Variants in MARCKS observed in about 807,000 individuals in gnomAD.
MARCKS encodes myristoylated alanine rich protein kinase C substrate.
A neutral mutation model predicts 6.3 loss-of-function variants in MARCKS; 4 were observed. The observed-to-expected ratio is 0.63, with a 90% CI of 0.31 to 1.45. The LOEUF is 1.45. Ranked by LOEUF, MARCKS falls within the 40% of genes most tolerant of loss-of-function variation. MARCKS has a pLI of 0.07. For missense variants in MARCKS, 636 were observed against 485.7 expected (o/e 1.31, Z -2.91); for synonymous variants, 289 against 236.5 (o/e 1.22, Z -2.04).
chr6:113,860,183 TGCGGCCGCCGCCGAGGCGGGC>T lies in MARCKS; in HGVS notation c.610_630del (p.Ala204_Ala210del). On this transcript the variant is annotated inframe_deletion, in exon 2 of 2. Coordinates refer to ENST00000612661, the MANE Select transcript of MARCKS (RefSeq NM_002356.7). ...AGGACGAGGCCGCCGGGGGCGCAGC[TGCGGCCGCCGCCGAGGCGGGC>T]GCGGCCTCCGGGGAGCAGGCAGCGG... 9 of 1,214,924 alleles carry T rather than the reference TGCGGCCGCCGCCGAGGCGGGC, an allele frequency of 7.4e-6. No homozygotes were observed. Among genetic ancestry groups the T allele is most frequent in the Non-Finnish European group, 9.3e-6 (9 of 968,518 alleles). 75.3% of individuals were successfully genotyped at this position (1,214,924 alleles called of 1,614,324 possible). A position where few individuals can be genotyped will look rare whatever the true frequency, so the allele number is the denominator to read the frequency against.
chr6:113,859,047 C>T (rs1582439528), intron 1 of MARCKS, among the ~76,000 whole-genome samples: 1 of 152,098 alleles, frequency 6.6e-6, no homozygotes, highest in East Asian at 1.9e-4. Flanking sequence ...GGCGGGGTGG[C>T]CCGGCGACTC....
At chr6:113,859,374 T>G (rs1410110723) in intron 1 of MARCKS, among the ~76,000 whole-genome samples, 1 of 152,214 alleles carries the variant, frequency 6.6e-6, no homozygotes, top group East Asian at 1.9e-4. Context: ...GCTGGCATGG[T>G]TAGCCTTTGC....
In MARCKS at chr6:113,859,791, G is replaced by C. The variant is rs1233857411; in HGVS notation, c.211G>C (p.Glu71Gln). Reference sequence around the variant, plus strand: ...CAGCGCCCCGGCCGCCGACAAGGAGGAGCCCGCGGCCGCCGGGAGCGGGGC... The same window carrying C: ...CAGCGCCCCGGCCGCCGACAAGGAGCAGCCCGCGGCCGCCGGGAGCGGGGC... ...NGSAPAADKE[E>Q]PAAAGSGAAS... Residue 71 changes from glutamate to glutamine, a missense_variant, in exon 2 of 2, where the codon GAG (glutamate) becomes CAG (glutamine). Glu to Gln is a conservative substitution (Grantham distance 29). Coordinates refer to ENST00000612661, the MANE Select transcript of MARCKS (RefSeq NM_002356.7). 3 of 1,398,970 alleles carry C rather than the reference G, an allele frequency of 2.1e-6. No individual in the cohort carries two copies. The highest frequency in any genetic ancestry group is 2.8e-6 in the Non-Finnish European group (3 of 1,079,860). The allele number at this position is 1,398,970 out of a possible 1,614,324, so 86.7% of individuals were successfully genotyped here.
chr6:113,860,465 A>T lies in MARCKS; in HGVS notation c.885A>T (p.Ala295=), dbSNP rs1033171471. ...CCGGCGCGCCCCCGGAGCAGGAGGCAGCCCCCGCGGAGGAGCCCGCGGCCG... is the reference window on the plus strand; with the variant it reads ...CCGGCGCGCCCCCGGAGCAGGAGGCTGCCCCCGCGGAGGAGCCCGCGGCCG... ...AGPGAPPEQE[A]APAEEPAAAA... The change falls in exon 2 of 2, where the codon GCA becomes GCT. Residue 295 remains alanine (A), a synonymous_variant. Coordinates refer to ENST00000612661, the MANE Select transcript of MARCKS (RefSeq NM_002356.7). The T allele has an allele frequency of 1.1e-5, 15 of 1,390,926 alleles. No homozygotes were observed. The highest frequency in any genetic ancestry group is 1.4e-5 in the Non-Finnish European group (15 of 1,061,344). 86.2% of individuals were successfully genotyped at this position (1,390,926 alleles called of 1,614,324 possible).
chr6:113,861,615 T>G lies in MARCKS; in HGVS notation c.*1036T>G, dbSNP rs1186642673. ...CTTTGAGAATAAAGGAAAAAAAATC[T>G]TCAGATGCAATGGTTTTGTGTAGCA... is the stretch of plus-strand genomic sequence containing the variant. On this transcript the variant is annotated 3_prime_UTR_variant, in exon 2 of 2. Coordinates refer to ENST00000612661, the MANE Select transcript of MARCKS (RefSeq NM_002356.7). The G allele has an allele frequency of 6.6e-6, 1 of 152,404 alleles. No homozygotes were observed. Among genetic ancestry groups the G allele is most frequent in the East Asian group, 1.9e-4 (1 of 5,188 alleles). 9.4% of individuals were successfully genotyped at this position (152,404 alleles called of 1,614,324 possible).
chr6:113,858,348 C>T (rs1250372980), intron 1 of MARCKS, among the ~76,000 whole-genome samples: 2 of 152,050 alleles, frequency 1.3e-5, no homozygotes, highest in Non-Finnish European at 2.9e-5. Flanking sequence ...TTATTGTATG[C>T]CGCGGCGGCG....
chr6:113,859,689 G>A lies in MARCKS; in HGVS notation c.109G>A (p.Gly37Ser). 1.3e-6 allele frequency: 2 copies of A among 1,503,996 alleles called. No individual in the cohort carries two copies. The highest frequency in any genetic ancestry group is 1.8e-6 in the Non-Finnish European group (2 of 1,127,032). 93.2% of individuals were successfully genotyped at this position (1,503,996 alleles called of 1,614,324 possible). The change falls in exon 2 of 2, where the codon GGC becomes AGC. Residue 37 changes from glycine (G) to serine (S), a missense_variant. Gly to Ser is a moderately conservative substitution (Grantham distance 56). Coordinates refer to ENST00000612661, the MANE Select transcript of MARCKS (RefSeq NM_002356.7). ...SPSKANGQEN[G>S]HVKVNGDASP... ...CGCTTTCTCTGCCCCTTAGGAGAAT[G>A]GCCACGTGAAGGTAAACGGCGACGC...
At position 113,863,211 on chromosome 6, in the gene MARCKS, G is replaced by A. The variant is rs888673078; in HGVS notation, c.*2632G>A. 2.6e-5 allele frequency: 4 copies of A among 152,138 alleles called. No homozygotes were observed. Among genetic ancestry groups the A allele is most frequent in the Non-Finnish European group, 5.9e-5 (4 of 67,998 alleles). 9.4% of individuals were successfully genotyped at this position (152,138 alleles called of 1,614,324 possible). A position where few individuals can be genotyped will look rare whatever the true frequency, so the allele number is the denominator to read the frequency against. Reference sequence around the variant, plus strand: ...TCCAAGTGATTAAATGAAATTTGACGTATCTTTTCATCCAAAGTTTTGTAC... The same window carrying A: ...TCCAAGTGATTAAATGAAATTTGACATATCTTTTCATCCAAAGTTTTGTAC... On this transcript the variant is annotated 3_prime_UTR_variant, in exon 2 of 2. Coordinates refer to ENST00000612661, the MANE Select transcript of MARCKS (RefSeq NM_002356.7).
rs1774803555 is a variant in MARCKS at position 113,857,515 on chromosome 6, TCCTGTG to T, written c.-229_-224del. On this transcript the variant is annotated 5_prime_UTR_variant, in exon 1 of 2. Coordinates refer to ENST00000612661, the MANE Select transcript of MARCKS (RefSeq NM_002356.7). Reference sequence around the variant, plus strand: ...GACTTTTCCACCCTTTTTCCCTCCCTCCTGTGCTGCTGCTTTTTGATCTCTTCGACT... The same window carrying T: ...GACTTTTCCACCCTTTTTCCCTCCCTCTGCTGCTTTTTGATCTCTTCGACT... 1.9e-6 allele frequency: 1 copy of T among 529,572 alleles called. No homozygotes were observed. Among genetic ancestry groups the T allele is most frequent in the African/African-American group, 2.0e-5 (1 of 51,174 alleles). 32.8% of individuals were successfully genotyped at this position (529,572 alleles called of 1,614,324 possible). A position where few individuals can be genotyped will look rare whatever the true frequency, so the allele number is the denominator to read the frequency against.
rs45516098 is a variant in MARCKS at position 113,858,885 on chromosome 6, G to A, written c.103-798G>A. Among the ~76,000 whole-genome samples, 48 of 152,366 alleles carry A rather than the reference G, an allele frequency of 3.2e-4. 2 individuals carry two copies. In the East Asian group the frequency reaches 9.3e-3, roughly 29 times the overall value. On this transcript the variant is annotated intron_variant, in intron 1 of 1. Coordinates refer to ENST00000612661, the MANE Select transcript of MARCKS (RefSeq NM_002356.7). ...GGAAGGTGGGCGTGGAAGCAGAGGC[G>A]AGACCTCAGAAATAATGGGTTTCCC... is the stretch of plus-strand genomic sequence containing the variant.
intron 1 of MARCKS, among the ~76,000 whole-genome samples, chr6:113,858,288 G>A (rs1463735193): frequency 2.0e-5 from 3 of 151,968 alleles, no homozygotes; most frequent in African/African-American, 7.3e-5. Flanking sequence ...TCGGGAAAGG[G>A]GGGCGCAATG....
In MARCKS at chr6:113,857,649, C is replaced by G; in HGVS notation, c.-97C>G. 1.6e-6 allele frequency: 1 copy of G among 626,148 alleles called. No individual in the cohort carries two copies. Among genetic ancestry groups the G allele is most frequent in the South Asian group, 1.6e-5 (1 of 63,724 alleles). The allele number at this position is 626,148 out of a possible 1,614,324, so 38.8% of individuals were successfully genotyped here. A position where few individuals can be genotyped will look rare whatever the true frequency, so the allele number is the denominator to read the frequency against. The stretch of plus-strand genomic sequence containing the variant: ...TGTGTGCCGCTGCCGCTGTTGCCGC[C>G]GCCGCTGCTGCTGCTGCTCGCCCCG... On this transcript the variant is annotated 5_prime_UTR_variant, in exon 1 of 2. Transcript: ENST00000612661.
chr6:113,860,551 A>G lies in MARCKS; in HGVS notation c.971A>G (p.Glu324Gly). 1 of 1,559,918 alleles carries G rather than the reference A, an allele frequency of 6.4e-7. No individual in the cohort carries two copies. The highest frequency in any genetic ancestry group is 2.0e-5 in the Admixed American group (1 of 51,190). The change falls in exon 2 of 2, where the codon GAA becomes GGA. Residue 324 changes from glutamate to glycine, a missense_variant. Transcript: ENST00000612661. The stretch of plus-strand genomic sequence containing the variant: ...GAGGCCCAGCCCGAGTGCAGTCCAG[A>G]AGCCCCCCCAGCGGAGGCGGCAGAG... ...SQEAQPECSPEAPPAEAAE is the reference protein window; with the variant it reads ...SQEAQPECSPGAPPAEAAE
intron 1 of MARCKS, 56 bp from the exon 2 acceptor site, chr6:113,859,627 G>A (rs1023346645): frequency 1.4e-6 from 2 of 1,406,918 alleles, no homozygotes; most frequent in African/African-American, 1.5e-5. Context: ...GGCTGGGGGC[G>A]GGAATGGCGG....
At chr6:113,858,956 T>C (rs1246096776) in intron 1 of MARCKS, among the ~76,000 whole-genome samples, 3 of 152,144 alleles carry the variant, frequency 2.0e-5, no homozygotes, top group Admixed American at 6.5e-5. Context: ...GGAAACCACC[T>C]GAGCTTTGTT....
chr6:113,859,159 G>T (rs765305044), intron 1 of MARCKS, among the ~76,000 whole-genome samples: 1 of 152,212 alleles, frequency 6.6e-6, no homozygotes, highest in Non-Finnish European at 1.5e-5. Context: ...GGAGGGCCCC[G>T]CGCGGGCGCT....
At position 113,859,775 on chromosome 6, in the gene MARCKS, G is replaced by A. The variant is rs1774851335; in HGVS notation, c.195G>A (p.Pro65=). The part of the protein sequence containing the change: ...KEELQANGSA[P]AADKEEPAAA... ...AGCTGCAGGCCAACGGCAGCGCCCC[G>A]GCCGCCGACAAGGAGGAGCCCGCGG... The change falls in exon 2 of 2, where the codon CCG becomes CCA. Residue 65 remains proline (P), a synonymous_variant. Transcript: ENST00000612661. 9.7e-6 allele frequency: 14 copies of A among 1,450,360 alleles called. No homozygotes were observed. The highest frequency in any genetic ancestry group is 6.0e-5 in the African/African-American group (4 of 66,780). The allele number at this position is 1,450,360 out of a possible 1,614,324, so 89.8% of individuals were successfully genotyped here.
chr6:113,859,221 C>A (rs934358247), intron 1 of MARCKS, among the ~76,000 whole-genome samples: 5 of 152,198 alleles, frequency 3.3e-5, no homozygotes, highest in African/African-American at 9.6e-5. Flanking sequence ...TTTGAAGAGG[C>A]CTTTATGTAT....
chr6:113,857,452 T>A lies in MARCKS; in HGVS notation c.-294T>A, dbSNP rs1582438618. 1 of 353,808 alleles carries A rather than the reference T, an allele frequency of 2.8e-6. No individual in the cohort carries two copies. Among genetic ancestry groups the A allele is most frequent in the Admixed American group, 4.7e-5 (1 of 21,154 alleles). 21.9% of individuals were successfully genotyped at this position (353,808 alleles called of 1,614,324 possible). On this transcript the variant is annotated 5_prime_UTR_variant, in exon 1 of 2. Coordinates refer to ENST00000612661, the MANE Select transcript of MARCKS (RefSeq NM_002356.7). The stretch of plus-strand genomic sequence containing the variant: ...TCTGGGATTTTTTTATTACTTCTTT[T>A]TTTTTCGAACTACACTTGGGCTCCT...
Sources: gnomAD v4.1 joint callset for allele counts (sites outside exome capture counted in the v4.1 genomes callset) on GRCh38, gnomAD v4.1.1 for gene constraint, MANE v1.5 for transcripts, NCBI Gene and HGNC (gene_info 2026-07-23, HGNC 2026-07-21) for gene names.